Variants in BUB1 observed in about 807,000 individuals in gnomAD.
The protein encoded by BUB1 is mitotic checkpoint serine/threonine-protein kinase BUB1.
In BUB1, 84 loss-of-function variants were observed where a neutral mutation model predicts 135.2. The ratio of observed to expected loss-of-function variants is 0.62; its 90% CI spans 0.52 to 0.74. The LOEUF is 0.74. Ranked by LOEUF, BUB1 falls within the 30% of genes least tolerant of loss-of-function variation. The pLI, the probability that BUB1 is intolerant of heterozygous loss-of-function variation, is 0.00. For missense variants in BUB1, 1,162 were observed against 1,288.3 expected (o/e 0.90, Z 1.50); for synonymous variants, 403 against 434.4 (o/e 0.93, Z 0.90).
At position 110,653,433 on chromosome 2, in the gene BUB1, T is replaced by C; in HGVS notation, c.1964+3A>G. On this transcript the variant is annotated splice_donor_region_variant and intron_variant, in intron 17 of 24. Coordinates refer to ENST00000302759, the MANE Select transcript of BUB1 (RefSeq NM_004336.5). ...GGCAGAACCAAATAAACCCTCACAATACCTGAATTTTCCATCCCTTGAAGG... is the reference window on the plus strand; with the variant it reads ...GGCAGAACCAAATAAACCCTCACAACACCTGAATTTTCCATCCCTTGAAGG... The C allele has an allele frequency of 6.2e-7, 1 of 1,612,308 alleles. No individual in the cohort carries two copies.
In BUB1 at chr2:110,663,167, C is replaced by T. The variant is rs187566523; in HGVS notation, c.958-1326G>A. Among the ~76,000 whole-genome samples the T allele has an allele frequency of 4.3e-3, 651 of 152,190 alleles. 5 individuals are homozygous for T. Among genetic ancestry groups the T allele is most frequent in the African/African-American group, 0.015 (631 of 41,518 alleles). ...TGGTGGCGGGCGCCTGTAATCCCAG[C>T]TGCTCAGGAGGCTGAGGCAGGAGAA... is the stretch of plus-strand genomic sequence containing the variant. On this transcript the variant is annotated intron_variant, in intron 9 of 24. Coordinates refer to ENST00000302759, the MANE Select transcript of BUB1 (RefSeq NM_004336.5).
chr2:110,638,555 G>T (rs1689420567), intron 24 of BUB1, among the ~76,000 whole-genome samples: 1 of 152,218 alleles, frequency 6.6e-6, no homozygotes, highest in Non-Finnish European at 1.5e-5. Context: ...AAGTAGACAG[G>T]TTGGACTGCC....
At chr2:110,668,762 G>T (rs1690337433) in intron 6 of BUB1, among the ~76,000 whole-genome samples, 1 of 152,206 alleles carries the variant, frequency 6.6e-6, no homozygotes, top group South Asian at 2.1e-4. Context: ...CACAGGGAAG[G>T]ATGCAGTTAC....
At chr2:110,645,289 C>T (rs1490505641) in intron 19 of BUB1, among the ~76,000 whole-genome samples, 2 of 151,892 alleles carry the variant, frequency 1.3e-5, no homozygotes, top group African/African-American at 4.8e-5. Context: ...CAAAAATTAG[C>T]TGGGCGTGGT....
intron 4 of BUB1, 41 bp from the exon 5 acceptor site, chr2:110,670,609 T>A: frequency 6.3e-7 from 1 of 1,591,656 alleles, no homozygotes; most frequent in Non-Finnish European, 8.6e-7. Context: ...GATTATAAAC[T>A]TACAGTACAT....
At chr2:110,649,715 A>G (rs1301713260) in intron 18 of BUB1, among the ~76,000 whole-genome samples, 1 of 152,330 alleles carries the variant, frequency 6.6e-6, no homozygotes, top group South Asian at 2.1e-4. Context: ...GCAGATGTGG[A>G]CATTAGTTAC....
In BUB1 at chr2:110,674,315, T is replaced by G. The variant is rs1690513055; in HGVS notation, c.77A>C (p.Glu26Ala). 1 of 1,614,058 alleles carries G rather than the reference T, an allele frequency of 6.2e-7. No homozygotes were observed. The highest frequency in any genetic ancestry group is 1.7e-5 in the Admixed American group (1 of 60,016). ...QSYKGNDPLG[E>A]WERYIQWVEE... ...ATAACTAAATGCTGACCTTTCCCAT[T>G]CACCAAGAGGGTCATTGCCCTTGTA... Residue 26 changes from glutamate (E) to alanine (A), a missense_variant, in exon 2 of 25, where the codon GAA (glutamate) becomes GCA (alanine). Coordinates refer to ENST00000302759, the MANE Select transcript of BUB1 (RefSeq NM_004336.5).
chr2:110,658,463 T>G lies in BUB1; in HGVS notation c.1463A>C (p.Asp488Ala). Reference sequence around the variant, plus strand: ...ATTTTGATCTAGAGATTGCCATTCATCTTTGTCATCAGAAATATCAGGAAG... The same window carrying G: ...ATTTTGATCTAGAGATTGCCATTCAGCTTTGTCATCAGAAATATCAGGAAG... ...PTLPDISDDK[D>A]EWQSLDQNED... The change falls in exon 13 of 25, where the codon GAT becomes GCT. Residue 488 changes from aspartate (D) to alanine (A), a missense_variant. Transcript: ENST00000302759. 6.2e-7 allele frequency: 1 copy of G among 1,614,122 alleles called. No individual in the cohort carries two copies. The highest frequency in any genetic ancestry group is 8.5e-7 in the Non-Finnish European group (1 of 1,180,000).
intron 10 of BUB1, chr2:110,661,211 A>C: frequency 5.6e-6 from 1 of 178,148 alleles, no homozygotes. Flanking sequence ...GGAATATGAG[A>C]ACACATGTCA....
Position 110,641,466 on chromosome 2 carries a change from T to G in BUB1, c.2626-2A>C. On this transcript the variant is annotated splice_acceptor_variant, in intron 21 of 24. Transcript: ENST00000302759. LOFTEE classifies it high-confidence loss of function. ...ATTTTTATAGAGGTTAATGGCATTC[T>G]AGGAACAATGGAAAGTGGAATCCTG... 2 of 1,601,896 alleles carry G rather than the reference T, an allele frequency of 1.2e-6. No individual in the cohort carries two copies. Among genetic ancestry groups the G allele is most frequent in the Non-Finnish European group, 8.5e-7 (1 of 1,176,072 alleles).
rs748392521 is a variant in BUB1, at chr2:110,641,794, G to A, written c.2473C>T (p.Pro825Ser). The part of the protein sequence containing the change: ...KQKFVLKVQK[P>S]ANPWEFYIGT... ...ATGTAGAATTCCCAGGGGTTGGCAGGCTTTTGGACCTGCAAATCAGGTATG... is the reference window on the plus strand; with the variant it reads ...ATGTAGAATTCCCAGGGGTTGGCAGACTTTTGGACCTGCAAATCAGGTATG... Residue 825 changes from proline (P) to serine (S), a missense_variant, in exon 21 of 25, where the codon CCT becomes TCT. Transcript: ENST00000302759. The A allele has an allele frequency of 8.0e-5, 129 of 1,603,484 alleles. No homozygotes were observed. Among genetic ancestry groups the A allele is most frequent in the Non-Finnish European group, 1.0e-4 (121 of 1,179,486 alleles).
chr2:110,638,044 G>C lies in BUB1; in HGVS notation c.3178C>G (p.Gln1060Glu). The C allele has an allele frequency of 6.2e-7, 1 of 1,612,654 alleles. No individual in the cohort carries two copies. Among genetic ancestry groups the C allele is most frequent in the Non-Finnish European group, 8.5e-7 (1 of 1,179,360 alleles). ...LRQKLKKVFQ[Q>E]HYTNKIRALR... ...GCCCTAATCTTGTTAGTATAGTGTT[G>C]TTGAAATACTTTCTTCAGCTTTTGC... The change falls in exon 25 of 25, where the codon CAA becomes GAA. Residue 1060 changes from glutamine to glutamate, a missense_variant. Coordinates refer to ENST00000302759, the MANE Select transcript of BUB1 (RefSeq NM_004336.5).
intron 10 of BUB1, 123 bp downstream of exon 10, chr2:110,661,459 T>C (rs987856495): frequency 2.4e-6 from 3 of 1,251,192 alleles, no homozygotes; most frequent in Middle Eastern, 2.8e-4. Context: ...AACATACCTA[T>C]CTAAAAATAA....
At chr2:110,643,254 C>T (rs1689551614) in intron 19 of BUB1, among the ~76,000 whole-genome samples, 3 of 152,072 alleles carry the variant, frequency 2.0e-5, no homozygotes, top group Non-Finnish European at 4.4e-5. Flanking sequence ...AACTAGAAGC[C>T]CAGGAACAGA....
intron 9 of BUB1, among the ~76,000 whole-genome samples, chr2:110,664,708 A>G (rs1467995734): frequency 6.6e-6 from 1 of 151,918 alleles, no homozygotes; most frequent in Non-Finnish European, 1.5e-5. Flanking sequence ...TTTATTAACA[A>G]TTTCTTGCAA....
At chr2:110,667,474 T>G in intron 8 of BUB1, 47 bp downstream of exon 8, 1 of 1,538,006 alleles carries the variant, frequency 6.5e-7, no homozygotes, top group African/African-American at 1.4e-5. Flanking sequence ...AGATGAGGAT[T>G]TTTTTATGTG....
In BUB1 at chr2:110,639,389, T is replaced by C. The variant is rs192879165; in HGVS notation, c.3062+353A>G. Among the ~76,000 whole-genome samples the C allele has an allele frequency of 5.1e-5, 6 of 117,262 alleles. No individual in the cohort carries two copies. In the South Asian group the frequency reaches 7.5e-4, roughly 15 times the overall value. 76.9% of individuals were successfully genotyped at this position (117,262 alleles called of 152,430 possible). Reference sequence around the variant, plus strand: ...GACAAAAATAGGATCAGTATTTCCATAGACCAAAAAAAAAAAAAAGAAAAA... The same window carrying C: ...GACAAAAATAGGATCAGTATTTCCACAGACCAAAAAAAAAAAAAAGAAAAA... On this transcript the variant is annotated intron_variant, in intron 24 of 24. Coordinates refer to ENST00000302759, the MANE Select transcript of BUB1 (RefSeq NM_004336.5).
In BUB1 at chr2:110,658,702, G is replaced by A. The variant is rs372726984; in HGVS notation, c.1317C>T (p.His439=). ...TTCCCAGTGATGTGTTTGGAGTTGT[G>A]TGAAAAGAACTTGTGTTGGCAACCT... The part of the protein sequence containing the change: ...THKVANTSSF[H]TTPNTSLGMV... The change falls in exon 12 of 25, where the codon CAC becomes CAT. Residue 439 remains histidine (H), a synonymous_variant. Coordinates refer to ENST00000302759, the MANE Select transcript of BUB1 (RefSeq NM_004336.5). The A allele has an allele frequency of 3.0e-5, 49 of 1,614,056 alleles. No individual in the cohort carries two copies. The highest frequency in any genetic ancestry group is 1.4e-4 in the South Asian group (13 of 91,088).
chr2:110,667,926 A>C, intron 6 of BUB1, 77 bp from the exon 7 acceptor site: 1 of 1,412,692 alleles, frequency 7.1e-7, no homozygotes, highest in Non-Finnish European at 9.8e-7. Context: ...ACAAAACAAT[A>C]TGAAAATGCT....
Sources: gnomAD v4.1 joint callset for allele counts (sites outside exome capture counted in the v4.1 genomes callset) on GRCh38, gnomAD v4.1.1 for gene constraint, MANE v1.5 for transcripts, NCBI Gene and HGNC (gene_info 2026-07-23, HGNC 2026-07-21) for gene names.